Variants in PAQR8 observed in about 807,000 individuals in gnomAD.
PAQR8 encodes membrane progestin receptor beta.
A neutral mutation model predicts 25.2 loss-of-function variants in PAQR8; 17 were observed. The ratio of observed to expected loss-of-function variants is 0.67; its 90% CI spans 0.46 to 1.01. PAQR8 has a LOEUF of 1.01. PAQR8 is among the 50% of genes least tolerant of loss of function. The pLI, the probability that PAQR8 is intolerant of heterozygous loss-of-function variation, is 0.00. For missense variants in PAQR8, 392 were observed against 448.4 expected, an observed-to-expected ratio of 0.87 and a Z score of 1.14; for synonymous variants, 204 against 190.6, an observed-to-expected ratio of 1.07 and a Z score of -0.58.
At chr6:52,375,435 TCTC>T (rs1763474607) in intron 1 of PAQR8, among the ~76,000 whole-genome samples, 1 of 152,192 alleles carries the variant, frequency 6.6e-6, no homozygotes, top group Non-Finnish European at 1.5e-5. Flanking sequence ...AGGGAGCAGA[TCTC>T]CTCATTCATT....
intron 1 of PAQR8, among the ~76,000 whole-genome samples, chr6:52,369,281 G>A (rs1763390239): frequency 1.3e-5 from 2 of 152,172 alleles, no homozygotes; most frequent in South Asian, 4.1e-4. Flanking sequence ...CAGTTCCTAG[G>A]GCTGTAAGAA....
chr6:52,404,244 A>C lies in PAQR8; in HGVS notation c.1031A>C (p.Lys344Thr), dbSNP rs989120235. Reference protein sequence around the residue: ...SAATAALLRHKVKARLTKKDS With the variant: ...SAATAALLRHTVKARLTKKDS Reference sequence around the variant, plus strand: ...GCCACCGCAGCCCTTCTGAGGCACAAAGTCAAGGCCAGACTGACCAAGAAA... The same window carrying C: ...GCCACCGCAGCCCTTCTGAGGCACACAGTCAAGGCCAGACTGACCAAGAAA... Residue 344 changes from lysine to threonine, a missense_variant, in exon 2 of 2, where the codon AAA becomes ACA. By Grantham distance (78) the Lys-to-Thr change is moderately conservative (BLOSUM62 -1). Transcript: ENST00000442253. 1 of 1,611,804 alleles carries C rather than the reference A, an allele frequency of 6.2e-7. No homozygotes were observed.
At chr6:52,374,709 C>G (rs1763462529) in intron 1 of PAQR8, among the ~76,000 whole-genome samples, 1 of 152,052 alleles carries the variant, frequency 6.6e-6, no homozygotes. Context: ...TTGCTTGATT[C>G]CTAAACCTCT....
At chr6:52,372,430 TG>T (rs1763430155) in intron 1 of PAQR8, among the ~76,000 whole-genome samples, 1 of 152,146 alleles carries the variant, frequency 6.6e-6, no homozygotes, top group Admixed American at 6.5e-5. Flanking sequence ...AAGTTCTCCA[TG>T]TGTTTAACTC....
At chr6:52,370,169 C>T (rs1401769511) in intron 1 of PAQR8, among the ~76,000 whole-genome samples, 3 of 151,796 alleles carry the variant, frequency 2.0e-5, no homozygotes, top group Non-Finnish European at 4.4e-5. Flanking sequence ...AGCTGCTGGT[C>T]TGAGGGTCTC....
At chr6:52,388,695 A>G (rs1034142090) in intron 1 of PAQR8, among the ~76,000 whole-genome samples, 1 of 152,196 alleles carries the variant, frequency 6.6e-6, no homozygotes, top group African/African-American at 2.4e-5. Flanking sequence ...TGCAGCCTCT[A>G]GAAACTGTGA....
chr6:52,376,927 G>T (rs187349582), intron 1 of PAQR8, among the ~76,000 whole-genome samples: 8 of 152,310 alleles, frequency 5.3e-5, no homozygotes, highest in Admixed American at 4.6e-4. Flanking sequence ...CAAAGGGAGT[G>T]CTGGGGTGAT....
intron 1 of PAQR8, among the ~76,000 whole-genome samples, chr6:52,402,823 C>G (rs1763851206): frequency 6.6e-6 from 1 of 152,066 alleles, no homozygotes; most frequent in South Asian, 2.1e-4. Context: ...CGCCTGTAAT[C>G]TCAACACTTG....
intron 1 of PAQR8, chr6:52,373,590 TCTC>T (rs1426531681): frequency 1.3e-5 from 2 of 152,254 alleles, no homozygotes; most frequent in African/African-American, 2.4e-5. Context: ...CCAGAAATGT[TCTC>T]CTCACCTGGG....
rs9474214 is a variant in PAQR8 at position 52,380,388 on chromosome 6, C to T, written c.-53+18139C>T. Among the ~76,000 whole-genome samples the T allele has an allele frequency of 9.0e-3, 1,370 of 152,262 alleles. 23 individuals carry two copies. Among genetic ancestry groups the T allele is most frequent in the African/African-American group, 0.031 (1,283 of 41,520 alleles). On this transcript the variant is annotated intron_variant, in intron 1 of 1. Transcript: ENST00000442253. ...GTACATATTCGTGGGCAGCTGTGGA[C>T]GTGGACATTTCAACTCATTTGGAAA...
chr6:52,401,651 CAT>C (rs1763831501), intron 1 of PAQR8, among the ~76,000 whole-genome samples: 1 of 152,114 alleles, frequency 6.6e-6, no homozygotes, highest in Admixed American at 6.6e-5. Context: ...ATTTAGGTCA[CAT>C]GTTAATTTTA....
chr6:52,395,272 CAA>C (rs34239055), intron 1 of PAQR8, among the ~76,000 whole-genome samples: 3,447 of 93,380 alleles, frequency 0.037, 82 homozygotes, highest in African/African-American at 0.13. Flanking sequence ...GACTTCGTCT[CAA>C]AAAAAAAAAA....
intron 1 of PAQR8, among the ~76,000 whole-genome samples, chr6:52,394,161 G>A (rs1394754481): frequency 6.6e-6 from 1 of 152,150 alleles, no homozygotes; most frequent in Non-Finnish European, 1.5e-5. Flanking sequence ...AGTTGGCCAG[G>A]AGCAGTGAGT....
At chr6:52,386,329 G>A (rs1356630377) in intron 1 of PAQR8, among the ~76,000 whole-genome samples, 2 of 152,280 alleles carry the variant, frequency 1.3e-5, no homozygotes, top group East Asian at 3.9e-4. Flanking sequence ...ATTTGACCTA[G>A]CAACCACATT....
chr6:52,384,356 C>A (rs547982854), intron 1 of PAQR8, among the ~76,000 whole-genome samples: 1 of 152,146 alleles, frequency 6.6e-6, no homozygotes, highest in Non-Finnish European at 1.5e-5. Flanking sequence ...AAGGTGTAAT[C>A]AAGGTGGGGC....
intron 1 of PAQR8, among the ~76,000 whole-genome samples, chr6:52,388,378 GAA>G (rs35641291): frequency 5.2e-5 from 7 of 133,830 alleles, no homozygotes; most frequent in South Asian, 2.4e-4. Flanking sequence ...CCTGTGTCAG[GAA>G]AAAAAAAAAA....
chr6:52,385,962 G>A lies in PAQR8; in HGVS notation c.-52-17200G>A, dbSNP rs189862583. Among the ~76,000 whole-genome samples the A allele has an allele frequency of 6.0e-3, 916 of 152,074 alleles. 3 individuals are homozygous for A. The highest frequency in any genetic ancestry group is 8.7e-3 in the South Asian group (42 of 4,804). On this transcript the variant is annotated intron_variant, in intron 1 of 1. Coordinates refer to ENST00000442253, the MANE Select transcript of PAQR8 (RefSeq NM_133367.5). ...AGAAAATATTCATACATTATGCAGG[G>A]GTCTAATATCCAGCATCTATAAGGA...
chr6:52,378,894 C>G (rs762309475), intron 1 of PAQR8, among the ~76,000 whole-genome samples: 1 of 151,662 alleles, frequency 6.6e-6, no homozygotes, highest in African/African-American at 2.4e-5. Flanking sequence ...GTCAGGAGTT[C>G]GAGACCAGCC....
chr6:52,401,670 A>C (rs1017917411), intron 1 of PAQR8, among the ~76,000 whole-genome samples: 1 of 152,174 alleles, frequency 6.6e-6, no homozygotes. Flanking sequence ...TTTAACTGTT[A>C]GGATATCCTA....
Sources: gnomAD v4.1 joint callset for allele counts (sites outside exome capture counted in the v4.1 genomes callset) on GRCh38, gnomAD v4.1.1 for gene constraint, MANE v1.5 for transcripts, NCBI Gene and HGNC (gene_info 2026-07-23, HGNC 2026-07-21) for gene names.